MOB4: variants seen among roughly 807,000 people sequenced by gnomAD.
The protein encoded by MOB4 is MOB family member 4, phocein.
In MOB4, 4 loss-of-function variants were observed where a neutral mutation model predicts 32.2. That is an observed-to-expected ratio of 0.12 (90% CI 0.06 to 0.28). MOB4 has a LOEUF of 0.28. Ranked by LOEUF, MOB4 falls within the 10% of genes least tolerant of loss-of-function variation. MOB4 has a pLI of 1.00. For missense variants in MOB4, 158 were observed against 271.2 expected (o/e 0.58, Z 2.93); for synonymous variants, 88 against 88.1 (o/e 1.00, Z 0.01).
rs575463885 is a variant in MOB4, at chr2:197,546,875, G to A, written c.355-1461G>A. 6.6e-5 allele frequency among the ~76,000 whole-genome samples: 10 copies of A among 152,180 alleles called. No homozygotes were observed. The South Asian group carries it at 1.5e-3, about 22-fold the overall frequency. On this transcript the variant is annotated intron_variant, in intron 5 of 7. Transcript: ENST00000323303. Reference sequence around the variant, plus strand: ...ACTGGAAGCCTTACCGATAACAGTCGATTAACACACATTTTGTATGTTCTG... The same window carrying A: ...ACTGGAAGCCTTACCGATAACAGTCAATTAACACACATTTTGTATGTTCTG...
intron 1 of MOB4, among the ~76,000 whole-genome samples, chr2:197,520,420 C>T (rs755976858): frequency 7.9e-5 from 12 of 152,076 alleles, no homozygotes; most frequent in South Asian, 2.1e-4. Context: ...CGTGAGCCAC[C>T]GCGCCCGGCC....
chr2:197,537,715 G>A (rs1476597423), intron 3 of MOB4, among the ~76,000 whole-genome samples: 3 of 152,154 alleles, frequency 2.0e-5, no homozygotes, highest in African/African-American at 7.2e-5. Context: ...AAGACAGAGA[G>A]CACTTTAGTG....
intron 5 of MOB4, among the ~76,000 whole-genome samples, chr2:197,544,700 T>C (rs1341104255): frequency 6.8e-6 from 1 of 148,140 alleles, no homozygotes; most frequent in Admixed American, 6.8e-5. Context: ...TTGCACTGAG[T>C]GGAGATCACA....
chr2:197,526,518 A>C lies in MOB4; in HGVS notation c.123+2832A>C, dbSNP rs181432517. 2.7e-3 allele frequency among the ~76,000 whole-genome samples: 416 copies of C among 152,172 alleles called. 7 individuals are homozygous for C. The highest frequency in any genetic ancestry group is 3.4e-3 in the Middle Eastern group (1 of 294). On this transcript the variant is annotated intron_variant, in intron 2 of 7. Coordinates refer to ENST00000323303, the MANE Select transcript of MOB4 (RefSeq NM_015387.5). ...TTTTAGTTAGAGACAGGATTTCACC[A>C]TCTTGGCCAGGCCGGTCTTGAACTC...
At chr2:197,548,167 A>G (rs1377224238) in intron 5 of MOB4, among the ~76,000 whole-genome samples, 169 bp from the exon 6 acceptor site, 1 of 151,534 alleles carries the variant, frequency 6.6e-6, no homozygotes, top group Non-Finnish European at 1.5e-5. Flanking sequence ...GGGATAATAA[A>G]CCTTACTTAT....
Position 197,516,131 on chromosome 2 carries a change from G to A in MOB4, c.45G>A (p.Pro15=), listed in dbSNP as rs150417095. ...CGGCAGTGCTGAGGCGGAACAGGCC[G>A]GGCACCAAGGCGCAGGTACCATGTC... is the stretch of plus-strand genomic sequence containing the variant. ...EGTAVLRRNR[P]GTKAQDFYNW... The change falls in exon 1 of 8, where the codon CCG becomes CCA. Residue 15 remains proline (P), a synonymous_variant. Coordinates refer to ENST00000323303, the MANE Select transcript of MOB4 (RefSeq NM_015387.5). The A allele has an allele frequency of 3.1e-6, 5 of 1,604,178 alleles. No homozygotes were observed. Among genetic ancestry groups the A allele is most frequent in the African/African-American group, 1.3e-5 (1 of 74,490 alleles).
At chr2:197,516,632 T>G (rs956332259) in intron 1 of MOB4, 2 of 472,264 alleles carry the variant, frequency 4.2e-6, no homozygotes, top group Non-Finnish European at 8.8e-6. Context: ...ATCCAGCTTG[T>G]CTAGCCGGAT....
intron 2 of MOB4, among the ~76,000 whole-genome samples, chr2:197,529,344 T>G (rs1244888929): frequency 6.6e-6 from 1 of 151,884 alleles, no homozygotes; most frequent in Non-Finnish European, 1.5e-5. Flanking sequence ...TTTTTATTTT[T>G]ATTTTATTTA....
intron 2 of MOB4, among the ~76,000 whole-genome samples, chr2:197,534,317 A>G (rs2086759432): frequency 6.6e-6 from 1 of 152,242 alleles, no homozygotes; most frequent in Non-Finnish European, 1.5e-5. Flanking sequence ...AAAAGATTGC[A>G]TAAAGCATTA....
chr2:197,533,622 G>A (rs553937173), intron 2 of MOB4, among the ~76,000 whole-genome samples: 2 of 151,630 alleles, frequency 1.3e-5, no homozygotes, highest in South Asian at 4.2e-4. Flanking sequence ...CTACTCGGGA[G>A]GCTGAGGCAG....
intron 3 of MOB4, among the ~76,000 whole-genome samples, chr2:197,536,327 C>T (rs1265533323): frequency 6.6e-6 from 1 of 152,068 alleles, no homozygotes; most frequent in Non-Finnish European, 1.5e-5. Flanking sequence ...CCTCAGCCTC[C>T]TGAGTAGCTG....
At chr2:197,550,411 T>G in intron 7 of MOB4, 25 bp downstream of exon 7, 1 of 1,609,940 alleles carries the variant, frequency 6.2e-7, no homozygotes. Flanking sequence ...CTGATTATCT[T>G]GATGCATTCT....
intron 1 of MOB4, among the ~76,000 whole-genome samples, chr2:197,518,563 T>G (rs547123427): frequency 2.3e-4 from 33 of 140,918 alleles, no homozygotes; most frequent in African/African-American, 6.4e-4. Flanking sequence ...CACCTGGAGG[T>G]TTTTTTTTTT....
chr2:197,546,979 C>T (rs1474571414), intron 5 of MOB4, among the ~76,000 whole-genome samples: 1 of 152,084 alleles, frequency 6.6e-6, no homozygotes, highest in African/African-American at 2.4e-5. Context: ...GGCGTGATGG[C>T]TTATGCCTGT....
intron 5 of MOB4, among the ~76,000 whole-genome samples, 187 bp downstream of exon 5, chr2:197,540,624 A>G (rs1382647236): frequency 1.3e-5 from 2 of 152,218 alleles, no homozygotes; most frequent in South Asian, 2.1e-4. Context: ...ATCATTTTTC[A>G]TAATTGGGCA....
intron 1 of MOB4, 137 bp downstream of exon 1, chr2:197,516,283 C>T (rs981680072): frequency 4.1e-6 from 6 of 1,452,846 alleles, no homozygotes; most frequent in Middle Eastern, 2.5e-4. Context: ...GCCTGCTCTT[C>T]CGGAGCTGCA....
intron 3 of MOB4, among the ~76,000 whole-genome samples, chr2:197,536,579 CTG>C (rs1189156222): frequency 1.4e-5 from 2 of 141,802 alleles, no homozygotes; most frequent in Admixed American, 7.3e-5. Context: ...TTTTGCATAA[CTG>C]TGTCATCTTT....
Position 197,550,677 on chromosome 2 carries a change from A to G in MOB4, c.*31A>G, listed in dbSNP as rs773290934. On this transcript the variant is annotated 3_prime_UTR_variant, in exon 8 of 8. Transcript: ENST00000323303. ...ATCATAGGAAAAATGTACTGATCAT[A>G]TAATTAACATTATGTACTGTATATA... The G allele has an allele frequency of 3.2e-6, 5 of 1,562,906 alleles. No homozygotes were observed. The highest frequency in any genetic ancestry group is 1.2e-5 in the South Asian group (1 of 80,360).
intron 2 of MOB4, among the ~76,000 whole-genome samples, chr2:197,527,838 C>T (rs962264795): frequency 3.3e-5 from 5 of 152,082 alleles, no homozygotes; most frequent in South Asian, 2.1e-4. Flanking sequence ...GGTTTTATCA[C>T]GAAAATATGT....
Sources: allele counts gnomAD v4.1 joint callset (sites outside exome capture counted in the v4.1 genomes callset), GRCh38; gene constraint gnomAD v4.1.1; transcripts MANE v1.5; gene names NCBI Gene and HGNC (gene_info 2026-07-23, HGNC 2026-07-21).